Variants in IQCH observed in about 807,000 individuals in gnomAD.
IQCH encodes IQ domain-containing protein H.
IQCH carries 98 observed loss-of-function variants against 117.0 expected under a neutral mutation model. The observed-to-expected ratio is 0.84, with a 90% CI of 0.71 to 0.99. The LOEUF is 0.99. IQCH is among the 50% of genes least tolerant of loss of function. IQCH has a pLI of 0.00. For missense variants in IQCH, 1,102 were observed against 1,243.8 expected (o/e 0.89, Z 1.72); for synonymous variants, 412 against 448.2 (o/e 0.92, Z 1.02).
chr15:67,413,294 C>T lies in IQCH; in HGVS notation c.2098-3637C>T, dbSNP rs919349518. ...ATAGACCCATTGTGGCTGTTGGGAC[C>T]TTGTTGCTTCTTGGGAAAACAGTGT... On this transcript the variant is annotated intron_variant, in intron 14 of 20. Coordinates refer to ENST00000335894, the MANE Select transcript of IQCH (RefSeq NM_001031715.3). This position sits in a 1 kb window ranked among gnomAD's most constrained non-coding sequence, Gnocchi z 5.0. Among the ~76,000 whole-genome samples, 2 of 152,146 alleles carry T rather than the reference C, an allele frequency of 1.3e-5. No individual in the cohort carries two copies. Among genetic ancestry groups the T allele is most frequent in the Non-Finnish European group, 2.9e-5 (2 of 68,034 alleles).
intron 8 of IQCH, among the ~76,000 whole-genome samples, chr15:67,362,812 A>C (rs956187295): frequency 6.6e-6 from 1 of 152,234 alleles, no homozygotes; most frequent in Non-Finnish European, 1.5e-5. Flanking sequence ...ACTATATGGT[A>C]TTTGAACAAA....
intron 10 of IQCH, among the ~76,000 whole-genome samples, chr15:67,382,828 A>G (rs1970981240): frequency 6.6e-6 from 1 of 152,216 alleles, no homozygotes; most frequent in Non-Finnish European, 1.5e-5. Flanking sequence ...TATATCCCAA[A>G]GTGCAATGTC....
chr15:67,302,065 C>T (rs1051687347), intron 4 of IQCH, among the ~76,000 whole-genome samples: 3 of 152,150 alleles, frequency 2.0e-5, no homozygotes, highest in African/African-American at 4.8e-5. Flanking sequence ...CCTCCCTACA[C>T]CAGACCTATA....
At chr15:67,347,812 T>G (rs975880011) in intron 6 of IQCH, among the ~76,000 whole-genome samples, 3 of 143,990 alleles carry the variant, frequency 2.1e-5, no homozygotes, top group East Asian at 2.0e-4. Flanking sequence ...TATATATATA[T>G]AGATATATAT....
chr15:67,346,894 C>T (rs1160937708), intron 6 of IQCH, among the ~76,000 whole-genome samples: 1 of 151,846 alleles, frequency 6.6e-6, no homozygotes, highest in African/African-American at 2.4e-5. Context: ...AGTAGAAAAT[C>T]CCCCAAATGC....
chr15:67,441,122 C>CAAAAAAAAAAAAAAAA (rs200254535), intron 16 of IQCH, among the ~76,000 whole-genome samples: 1 of 53,974 alleles, frequency 1.9e-5, no homozygotes, highest in Non-Finnish European at 3.7e-5. Context: ...GCAATAGCTG[C>CAAAAAAAAAAAAAAAA]AAAAAAAAAA....
At chr15:67,397,132 A>T (rs1971497069) in intron 13 of IQCH, among the ~76,000 whole-genome samples, 1 of 152,266 alleles carries the variant, frequency 6.6e-6, no homozygotes, top group South Asian at 2.1e-4. Context: ...ATAAAATTTT[A>T]AATTATATTA....
At chr15:67,323,425 G>T (rs138890557) in intron 4 of IQCH, among the ~76,000 whole-genome samples, 1 of 151,836 alleles carries the variant, frequency 6.6e-6, no homozygotes, top group East Asian at 1.9e-4. Flanking sequence ...TGTATTTTTA[G>T]TGAAGACGGG....
intron 6 of IQCH, among the ~76,000 whole-genome samples, chr15:67,348,191 A>G (rs918854927): frequency 1.3e-5 from 2 of 152,170 alleles, no homozygotes; most frequent in African/African-American, 4.8e-5. Context: ...GATCAGGAAC[A>G]AGACATGGTT....
At chr15:67,344,556 G>A (rs557558280) in intron 6 of IQCH, among the ~76,000 whole-genome samples, 99 of 152,274 alleles carry the variant, frequency 6.5e-4, no homozygotes, top group Admixed American at 1.0e-3. Flanking sequence ...AAAAACAGAT[G>A]CACAGTGACC....
intron 4 of IQCH, among the ~76,000 whole-genome samples, chr15:67,310,312 A>AGT (rs1297470952): frequency 1.3e-5 from 2 of 151,906 alleles, no homozygotes; most frequent in Non-Finnish European, 2.9e-5. Context: ...GCTTACTCTG[A>AGT]GTGTGTGTGT....
At chr15:67,277,402 A>G (rs370432127) in intron 3 of IQCH, among the ~76,000 whole-genome samples, 3 of 151,916 alleles carry the variant, frequency 2.0e-5, no homozygotes, top group Non-Finnish European at 2.9e-5. Flanking sequence ...TACCATCATT[A>G]TATCATTGGG....
chr15:67,462,403 G>A (rs1382987242), intron 16 of IQCH, among the ~76,000 whole-genome samples: 1 of 151,036 alleles, frequency 6.6e-6, no homozygotes, highest in Admixed American at 6.6e-5. Context: ...ACTCCAGCCT[G>A]GGCGACAGAG....
chr15:67,401,280 A>G lies in IQCH; in HGVS notation c.2097+975A>G, dbSNP rs1971649273. Among the ~76,000 whole-genome samples the G allele has an allele frequency of 6.6e-6, 1 of 152,228 alleles. No individual in the cohort carries two copies. The highest frequency in any genetic ancestry group is 1.5e-5 in the Non-Finnish European group (1 of 68,050). ...AAATTTGCTTAATTAAAGTAATTTTATATGGTTTAATATATAAATTAAACC... is the reference window on the plus strand; with the variant it reads ...AAATTTGCTTAATTAAAGTAATTTTGTATGGTTTAATATATAAATTAAACC... On this transcript the variant is annotated intron_variant, in intron 14 of 20. Coordinates refer to ENST00000335894, the MANE Select transcript of IQCH (RefSeq NM_001031715.3). This position sits in a 1 kb window ranked among gnomAD's most constrained non-coding sequence, Gnocchi z 4.7.
chr15:67,311,449 G>A (rs1967590940), intron 4 of IQCH, among the ~76,000 whole-genome samples: 1 of 151,176 alleles, frequency 6.6e-6, no homozygotes, highest in Admixed American at 6.6e-5. Flanking sequence ...ATGTAAGACT[G>A]CAGTTATTTA....
Position 67,474,103 on chromosome 15 carries a change from T to G in IQCH, c.2677-1593T>G, listed in dbSNP as rs2083143170. Among the ~76,000 whole-genome samples the G allele has an allele frequency of 6.7e-6, 1 of 148,496 alleles. No homozygotes were observed. Among genetic ancestry groups the G allele is most frequent in the Non-Finnish European group, 1.5e-5 (1 of 66,908 alleles). On this transcript the variant is annotated intron_variant, in intron 17 of 20. Transcript: ENST00000335894. This position sits in a 1 kb window ranked among gnomAD's most constrained non-coding sequence, Gnocchi z 4.1. ...GTGTGTGTGTGTGTGTGTGTGTGTG[T>G]GGAGAGGGAGAGAGGGATGCAGGAG...
At chr15:67,377,115 CAAAA>C (rs5813442) in intron 10 of IQCH, among the ~76,000 whole-genome samples, 1 of 82,036 alleles carries the variant, frequency 1.2e-5, no homozygotes. Flanking sequence ...GACTCCATCT[CAAAA>C]AAAAAAAAAA....
chr15:67,348,547 A>G (rs1969512558), intron 6 of IQCH, among the ~76,000 whole-genome samples: 1 of 152,240 alleles, frequency 6.6e-6, no homozygotes, highest in Non-Finnish European at 1.5e-5. Context: ...ATACTTAGGT[A>G]TAAAGCTAAC....
At chr15:67,497,761 A>G (rs1326453972) in intron 20 of IQCH, among the ~76,000 whole-genome samples, 1 of 152,206 alleles carries the variant, frequency 6.6e-6, no homozygotes, top group Non-Finnish European at 1.5e-5. Flanking sequence ...AAGTGCTGGG[A>G]TTACAGCCGT....
Sources: allele counts gnomAD v4.1 joint callset (sites outside exome capture counted in the v4.1 genomes callset), GRCh38; gene constraint gnomAD v4.1.1; non-coding constraint Gnocchi (gnomAD v3.1); transcripts MANE v1.5; gene names NCBI Gene and HGNC (gene_info 2026-07-23, HGNC 2026-07-21).